Variants in GALNTL6 observed in about 807,000 individuals in gnomAD.
GALNTL6 encodes polypeptide N-acetylgalactosaminyltransferase like 6, also known as polypeptide N-acetylgalactosaminyltransferase-like 6.
A neutral mutation model predicts 73.7 loss-of-function variants in GALNTL6; 46 were observed. The ratio of observed to expected loss-of-function variants is 0.62; its 90% CI spans 0.49 to 0.80. The LOEUF (loss-of-function observed/expected upper bound fraction) is 0.80. GALNTL6 is among the 30% of genes least tolerant of loss of function. The pLI is 0.00. For synonymous variants in GALNTL6, 259 were observed against 263.7 expected (o/e 0.98, Z 0.17); for missense variants, 604 against 755.0 (o/e 0.80, Z 2.34).
At chr4:172,371,532 T>C (rs1366749782) in intron 5 of GALNTL6, among the ~76,000 whole-genome samples, 2 of 152,188 alleles carry the variant, frequency 1.3e-5, no homozygotes, top group Non-Finnish European at 2.9e-5. Flanking sequence ...CTCTCTCTCT[T>C]TCTTTCTCTT....
At chr4:172,418,812 A>G (rs142318194) in intron 5 of GALNTL6, among the ~76,000 whole-genome samples, 1,643 of 152,328 alleles carry the variant, frequency 0.011, 23 homozygotes, top group Non-Finnish European at 0.016. Context: ...TACACAGTAC[A>G]GTGATTTCCG....
intron 3 of GALNTL6, among the ~76,000 whole-genome samples, chr4:172,260,785 C>T (rs1738231944): frequency 6.6e-6 from 1 of 151,380 alleles, no homozygotes; most frequent in Non-Finnish European, 1.5e-5. Flanking sequence ...CCTTTCTATG[C>T]TAATTTTGCC....
chr4:172,430,376 C>T (rs1270823946), intron 5 of GALNTL6, among the ~76,000 whole-genome samples: 1 of 151,964 alleles, frequency 6.6e-6, no homozygotes, highest in East Asian at 1.9e-4. Flanking sequence ...AAATAATGAT[C>T]TGTTGAAAAA....
chr4:171,905,172 A>G (rs548810857), intron 2 of GALNTL6, among the ~76,000 whole-genome samples: 275 of 152,224 alleles, frequency 1.8e-3, no homozygotes, highest in African/African-American at 6.3e-3. Context: ...AATGGACTAA[A>G]TGCTCCAATT....
chr4:172,538,955 G>A (rs527810900), intron 5 of GALNTL6, among the ~76,000 whole-genome samples: 45 of 152,104 alleles, frequency 3.0e-4, no homozygotes, highest in African/African-American at 9.9e-4. Context: ...TAAAGGGAAA[G>A]GACTCAAAAG....
intron 2 of GALNTL6, among the ~76,000 whole-genome samples, chr4:171,980,672 C>G (rs188946291): frequency 2.4e-4 from 36 of 152,290 alleles, no homozygotes; most frequent in African/African-American, 8.4e-4. Context: ...TTCTTGTGTT[C>G]TTGTTCGTCG....
chr4:172,182,182 T>C (rs1186334531), intron 2 of GALNTL6, among the ~76,000 whole-genome samples: 1 of 152,262 alleles, frequency 6.6e-6, no homozygotes, highest in African/African-American at 2.4e-5. Flanking sequence ...GAATAAAATA[T>C]CTGGGAATCC....
chr4:172,317,543 A>C (rs1740605329), intron 4 of GALNTL6, among the ~76,000 whole-genome samples: 1 of 152,222 alleles, frequency 6.6e-6, no homozygotes, highest in Admixed American at 6.5e-5. Context: ...CTAATTTCAC[A>C]ATTTTAATTG....
chr4:171,861,453 T>C (rs1487604856), intron 2 of GALNTL6, among the ~76,000 whole-genome samples: 1 of 152,204 alleles, frequency 6.6e-6, no homozygotes, highest in East Asian at 1.9e-4. Flanking sequence ...TCCTGACCTG[T>C]CTCCTCTATT....
chr4:172,833,090 TGG>T (rs1742726132), intron 7 of GALNTL6, among the ~76,000 whole-genome samples: 1 of 106,610 alleles, frequency 9.4e-6, no homozygotes, highest in Non-Finnish European at 2.0e-5. Context: ...CGCTTGGGGG[TGG>T]GGGGTAGGGA....
At chr4:172,531,594 C>T (rs1735171649) in intron 5 of GALNTL6, among the ~76,000 whole-genome samples, 1 of 152,200 alleles carries the variant, frequency 6.6e-6, no homozygotes, top group Admixed American at 6.5e-5. Context: ...AAATTGCAAC[C>T]TCTTCTCCAG....
At chr4:172,273,444 T>C (rs1738724057) in intron 3 of GALNTL6, among the ~76,000 whole-genome samples, 1 of 152,080 alleles carries the variant, frequency 6.6e-6, no homozygotes, top group East Asian at 1.9e-4. Flanking sequence ...TAAGATTTCA[T>C]TGGTGGAGGG....
chr4:172,847,665 A>C (rs1179980110), intron 7 of GALNTL6, among the ~76,000 whole-genome samples: 1 of 152,176 alleles, frequency 6.6e-6, no homozygotes, highest in African/African-American at 2.4e-5. Context: ...AGTATTAGGA[A>C]TTGGGTGAGC....
At chr4:172,370,962 T>G (rs1004545755) in intron 5 of GALNTL6, among the ~76,000 whole-genome samples, 2 of 152,230 alleles carry the variant, frequency 1.3e-5, no homozygotes, top group African/African-American at 2.4e-5. Context: ...CAAACTTTAC[T>G]TTAGTTGAAA....
At chr4:172,453,148 G>T (rs543766765) in intron 5 of GALNTL6, among the ~76,000 whole-genome samples, 1 of 151,930 alleles carries the variant, frequency 6.6e-6, no homozygotes, top group African/African-American at 2.4e-5. Context: ...GTTGCAGTGA[G>T]CTGAGATCCC....
At chr4:172,864,698 T>TTAATC (rs1159740902) in intron 7 of GALNTL6, among the ~76,000 whole-genome samples, 1 of 152,220 alleles carries the variant, frequency 6.6e-6, no homozygotes, top group African/African-American at 2.4e-5. Flanking sequence ...GAAACTTAGT[T>TTAATC]TAATCTATTA....
At chr4:172,025,759 CA>C (rs2110810074) in intron 2 of GALNTL6, among the ~76,000 whole-genome samples, 1 of 151,818 alleles carries the variant, frequency 6.6e-6, no homozygotes, top group South Asian at 2.1e-4. Flanking sequence ...AGAATCACGA[CA>C]GTACTAACCC....
chr4:172,178,686 G>A (rs1469486361), intron 2 of GALNTL6, among the ~76,000 whole-genome samples: 2 of 141,816 alleles, frequency 1.4e-5, no homozygotes, highest in Admixed American at 1.4e-4. Context: ...TTAAGTTTTA[G>A]GGTACATGTG....
chr4:172,305,795 A>G (rs969718702), intron 3 of GALNTL6, among the ~76,000 whole-genome samples: 1 of 152,190 alleles, frequency 6.6e-6, no homozygotes, highest in African/African-American at 2.4e-5. Context: ...AGGAATGTCT[A>G]GTATGCCATA....
Sources: allele counts gnomAD v4.1 joint callset (sites outside exome capture counted in the v4.1 genomes callset), GRCh38; gene constraint gnomAD v4.1.1; transcripts MANE v1.5; gene names NCBI Gene and HGNC (gene_info 2026-07-23, HGNC 2026-07-21).